TDRD12: variants seen among roughly 807,000 people sequenced by gnomAD.
TDRD12 encodes the protein tudor domain containing 12, also known as putative ATP-dependent RNA helicase TDRD12.
In TDRD12, 158 loss-of-function variants were observed where a neutral mutation model predicts 133.5. The ratio of observed to expected loss-of-function variants is 1.18; its 90% CI spans 1.04 to 1.35. The LOEUF is 1.35. Ranked by LOEUF, TDRD12 falls within the 40% of genes most tolerant of loss-of-function variation. The pLI, the probability that TDRD12 is intolerant of heterozygous loss-of-function variation, is 0.00. For missense variants in TDRD12, 1,443 were observed against 1,321.3 expected (o/e 1.09, Z -1.43); for synonymous variants, 460 against 477.9 (o/e 0.96, Z 0.49).
At chr19:32,783,402 C>T (rs150492300) in intron 11 of TDRD12, among the ~76,000 whole-genome samples, 1 of 152,258 alleles carries the variant, frequency 6.6e-6, no homozygotes, top group Admixed American at 6.5e-5. Flanking sequence ...TAGCGTGATG[C>T]CTCCAGCTTT....
intron 11 of TDRD12, among the ~76,000 whole-genome samples, chr19:32,788,362 T>G (rs1970970889): frequency 6.6e-6 from 1 of 152,132 alleles, no homozygotes; most frequent in Admixed American, 6.5e-5. Context: ...TCTGCCTGCC[T>G]CGGCCTCCCA....
chr19:32,731,831 A>G, exon 2 of TDRD12: 1 of 1,551,158 alleles, frequency 6.4e-7, no homozygotes, highest in Non-Finnish European at 8.7e-7. Flanking sequence ...GACTTCTACA[A>G]CAGCACGTGT....
At chr19:32,730,417 C>A (rs1400530039) in intron 1 of TDRD12, among the ~76,000 whole-genome samples, 1 of 152,056 alleles carries the variant, frequency 6.6e-6, no homozygotes, top group Non-Finnish European at 1.5e-5. Flanking sequence ...GGTTGAATCT[C>A]CTTCAGGTTC....
At chr19:32,785,756 T>C (rs2145645019) in intron 11 of TDRD12, among the ~76,000 whole-genome samples, 1 of 147,878 alleles carries the variant, frequency 6.8e-6, no homozygotes, top group East Asian at 2.0e-4. Flanking sequence ...CAACCCCTGC[T>C]TTTTTTTTTG....
intron 11 of TDRD12, among the ~76,000 whole-genome samples, chr19:32,787,991 A>T (rs988582083): frequency 2.0e-5 from 3 of 152,190 alleles, no homozygotes; most frequent in Non-Finnish European, 2.9e-5. Context: ...CCTCAGTTGG[A>T]AATGCAGAAA....
chr19:32,741,896 T>C (rs1343875374), intron 3 of TDRD12, among the ~76,000 whole-genome samples: 1 of 151,936 alleles, frequency 6.6e-6, no homozygotes, highest in African/African-American at 2.4e-5. Flanking sequence ...AAGAAAAAAA[T>C]GTAAAAATAA....
intron 1 of TDRD12, among the ~76,000 whole-genome samples, chr19:32,725,596 C>G (rs1440999548): frequency 1.3e-5 from 2 of 152,090 alleles, no homozygotes; most frequent in East Asian, 3.8e-4. Flanking sequence ...GTACCAGTAC[C>G]ATGCTGTTTT....
At chr19:32,804,813 G>A (rs546462720) in intron 21 of TDRD12, among the ~76,000 whole-genome samples, 4 of 151,916 alleles carry the variant, frequency 2.6e-5, no homozygotes, top group South Asian at 2.1e-4. Context: ...CCAAGTTCGC[G>A]CCACTGCACT....
chr19:32,766,576 C>A (rs1293918340), intron 8 of TDRD12, among the ~76,000 whole-genome samples: 4 of 151,848 alleles, frequency 2.6e-5, no homozygotes, highest in African/African-American at 9.7e-5. Flanking sequence ...GGATTAAGCA[C>A]CTTTTGTGTT....
chr19:32,809,530 G>A (rs572262820), intron 22 of TDRD12, among the ~76,000 whole-genome samples: 6 of 152,148 alleles, frequency 3.9e-5, no homozygotes, highest in Non-Finnish European at 5.9e-5. Context: ...CACACAGAGC[G>A]TCTCTGCCCT....
At chr19:32,740,383 G>C (rs1375313234) in intron 3 of TDRD12, among the ~76,000 whole-genome samples, 33 of 91,508 alleles carry the variant, frequency 3.6e-4, no homozygotes, top group Admixed American at 6.9e-4. Flanking sequence ...CCTGGGTGCT[G>C]TCTGCATCTC....
At chr19:32,807,686 T>C (rs921992970) in intron 22 of TDRD12, 38 bp downstream of exon 22, 3 of 1,369,506 alleles carry the variant, frequency 2.2e-6, no homozygotes, top group African/African-American at 1.5e-5. Context: ...CTCTGACGAA[T>C]GGTCATGTTA....
chr19:32,775,714 C>T (rs1970562925), intron 10 of TDRD12, among the ~76,000 whole-genome samples: 1 of 151,334 alleles, frequency 6.6e-6, no homozygotes, highest in Non-Finnish European at 1.5e-5. Context: ...TGTGTTTCCA[C>T]TTGGGAGTGC....
intron 8 of TDRD12, among the ~76,000 whole-genome samples, chr19:32,763,027 A>G (rs1371558630): frequency 6.6e-6 from 1 of 152,202 alleles, no homozygotes; most frequent in East Asian, 1.9e-4. Flanking sequence ...TAGAAAAGAT[A>G]GTGATTATGC....
chr19:32,809,110 T>C (rs1031666328), intron 22 of TDRD12, among the ~76,000 whole-genome samples: 5 of 152,166 alleles, frequency 3.3e-5, no homozygotes, highest in Non-Finnish European at 7.3e-5. Flanking sequence ...CCATTTCTGT[T>C]TTTTATGTGC....
At chr19:32,790,727 C>T in intron 12 of TDRD12, 136 bp downstream of exon 12, 1 of 1,541,552 alleles carries the variant, frequency 6.5e-7, no homozygotes, top group East Asian at 2.4e-5. Flanking sequence ...TGAAGACATC[C>T]TTTTAGAAAC....
chr19:32,798,053 G>A (rs566576311), intron 15 of TDRD12, among the ~76,000 whole-genome samples, 162 bp downstream of exon 15: 29 of 152,294 alleles, frequency 1.9e-4, no homozygotes, highest in Admixed American at 1.6e-3. Flanking sequence ...AGCTCCCGAC[G>A]GTTTTGATTA....
At chr19:32,732,104 A>G (rs1453402953) in intron 2 of TDRD12, among the ~76,000 whole-genome samples, 2 of 152,152 alleles carry the variant, frequency 1.3e-5, no homozygotes, top group Admixed American at 1.3e-4. Flanking sequence ...CTCGGGTTCA[A>G]GCACTTCTTC....
At chr19:32,734,920 T>C (rs1432735945) in intron 2 of TDRD12, among the ~76,000 whole-genome samples, 3 of 152,166 alleles carry the variant, frequency 2.0e-5, no homozygotes, top group African/African-American at 7.2e-5. Flanking sequence ...GGTTAGTATT[T>C]TAATTGTTTT....
Sources: gnomAD v4.1 joint callset for allele counts (sites outside exome capture counted in the v4.1 genomes callset) on GRCh38, gnomAD v4.1.1 for gene constraint, MANE v1.5 for transcripts, NCBI Gene and HGNC (gene_info 2026-07-23, HGNC 2026-07-21) for gene names.